SKAP1: variants seen among roughly 807,000 people sequenced by gnomAD.
SKAP1 encodes the protein src kinase-associated phosphoprotein 1.
In SKAP1, 44 loss-of-function variants were observed where a neutral mutation model predicts 58.5. The observed-to-expected ratio is 0.75, with a 90% confidence interval of 0.59 to 0.97. The LOEUF (loss-of-function observed/expected upper bound fraction) is 0.97. Ranked by LOEUF, SKAP1 falls within the 50% of genes least tolerant of loss-of-function variation. SKAP1 has a pLI of 0.00. For synonymous variants in SKAP1, 127 were observed against 149.7 expected, an observed-to-expected ratio of 0.85 and a Z score of 1.11; for missense variants, 390 against 435.2, an observed-to-expected ratio of 0.90 and a Z score of 0.92.
chr17:48,210,417 A>G (rs1395892043), intron 4 of SKAP1, among the ~76,000 whole-genome samples: 1 of 152,168 alleles, frequency 6.6e-6, no homozygotes, highest in African/African-American at 2.4e-5. Flanking sequence ...TAGGGCTAAG[A>G]ACCACAGCCT....
chr17:48,204,472 A>G (rs2143631390), intron 4 of SKAP1: 1 of 152,132 alleles, frequency 6.6e-6, no homozygotes, highest in African/African-American at 2.4e-5. Flanking sequence ...CATGCTACAC[A>G]TTTTATCTAA....
chr17:48,386,326 G>A (rs7212149), intron 2 of SKAP1, among the ~76,000 whole-genome samples: 44,443 of 133,112 alleles, frequency 0.33, 7,399 homozygotes, highest in African/African-American at 0.46. Flanking sequence ...TTTTTTTTTG[G>A]TGACTATAAG....
chr17:48,145,559 G>A (rs2063822453), intron 11 of SKAP1, among the ~76,000 whole-genome samples: 1 of 152,110 alleles, frequency 6.6e-6, no homozygotes, highest in Non-Finnish European at 1.5e-5. Context: ...TATGGTTTCA[G>A]GACTATCATG....
intron 4 of SKAP1, among the ~76,000 whole-genome samples, chr17:48,213,909 A>G (rs1465169349): frequency 2.0e-5 from 3 of 152,184 alleles, no homozygotes; most frequent in Non-Finnish European, 4.4e-5. Context: ...CACAGCACTC[A>G]AGGGTGGCCA....
upstream of SKAP1, among the ~76,000 whole-genome samples, chr17:48,434,228 C>A (rs1044112736): frequency 2.0e-5 from 3 of 152,164 alleles, no homozygotes; most frequent in Non-Finnish European, 4.4e-5. Flanking sequence ...GAGCTGCACA[C>A]TTCATTAAGA....
At chr17:48,286,231 T>G (rs1022017273) in intron 4 of SKAP1, among the ~76,000 whole-genome samples, 2 of 152,256 alleles carry the variant, frequency 1.3e-5, no homozygotes, top group African/African-American at 4.8e-5. Context: ...TGTTTCTGAA[T>G]GTGGGATTAT....
chr17:48,341,652 AAATC>A (rs2066654639), intron 4 of SKAP1, among the ~76,000 whole-genome samples: 1 of 152,172 alleles, frequency 6.6e-6, no homozygotes, highest in South Asian at 2.1e-4. Context: ...GTATGTAATA[AAATC>A]AATCAACAAC....
intron 2 of SKAP1, among the ~76,000 whole-genome samples, chr17:48,390,683 C>T (rs2067333354): frequency 6.6e-6 from 1 of 152,190 alleles, no homozygotes; most frequent in Admixed American, 6.5e-5. Flanking sequence ...TGTGTTCTAG[C>T]TCACAATCCC....
chr17:48,216,355 C>T (rs965046458), intron 4 of SKAP1, among the ~76,000 whole-genome samples: 13 of 152,154 alleles, frequency 8.5e-5, no homozygotes, highest in African/African-American at 3.1e-4. Context: ...GACAACATCC[C>T]ATTGATAGAG....
intron 4 of SKAP1, among the ~76,000 whole-genome samples, chr17:48,272,748 G>C (rs1277999369): frequency 6.6e-6 from 1 of 151,650 alleles, no homozygotes; most frequent in Admixed American, 6.6e-5. Context: ...GTAGAGACGG[G>C]GTTTCACCAT....
At chr17:48,342,074 G>C (rs375371079) in intron 4 of SKAP1, among the ~76,000 whole-genome samples, 20 of 152,280 alleles carry the variant, frequency 1.3e-4, no homozygotes, top group African/African-American at 4.1e-4. Context: ...AAAATCCACT[G>C]TATATTTGGA....
At chr17:48,394,999 C>T (rs944510671) in intron 2 of SKAP1, among the ~76,000 whole-genome samples, 21 of 152,112 alleles carry the variant, frequency 1.4e-4, no homozygotes, top group African/African-American at 5.1e-4. Flanking sequence ...AGAAAGCTCC[C>T]ATCAACAATG....
At chr17:48,182,036 G>C (rs774997175) in intron 8 of SKAP1, among the ~76,000 whole-genome samples, 2 of 152,236 alleles carry the variant, frequency 1.3e-5, no homozygotes, top group Middle Eastern at 3.4e-3. Flanking sequence ...ATTGCAACTA[G>C]ATGACTTTAA....
At chr17:48,198,281 C>T (rs1245171976) in intron 4 of SKAP1, among the ~76,000 whole-genome samples, 2 of 151,668 alleles carry the variant, frequency 1.3e-5, no homozygotes, top group African/African-American at 4.8e-5. Context: ...CGGTGAAACC[C>T]CGTTTCTACT....
chr17:48,427,527 T>C (rs1485430632), intron 1 of SKAP1, among the ~76,000 whole-genome samples: 3 of 152,008 alleles, frequency 2.0e-5, no homozygotes, highest in Non-Finnish European at 2.9e-5. Context: ...TCAAATTTTA[T>C]ATTTAAACAA....
intron 11 of SKAP1, among the ~76,000 whole-genome samples, chr17:48,143,225 A>C (rs1598358265): frequency 8.5e-5 from 10 of 117,066 alleles, no homozygotes; most frequent in South Asian, 2.6e-4. Context: ...ACAGGATTTC[A>C]CTCCCTTCAC....
intron 4 of SKAP1, among the ~76,000 whole-genome samples, chr17:48,265,833 C>A (rs978510898): frequency 9.2e-5 from 14 of 152,186 alleles, no homozygotes; most frequent in Non-Finnish European, 1.6e-4. Context: ...GAACAGGGAG[C>A]TGGCCATGCT....
At chr17:48,142,828 C>T (rs1379224277) in intron 11 of SKAP1, among the ~76,000 whole-genome samples, 10 of 152,102 alleles carry the variant, frequency 6.6e-5, no homozygotes, top group Non-Finnish European at 1.2e-4. Context: ...TTTTTTGAGA[C>T]AGGGTTTCGC....
intron 4 of SKAP1, among the ~76,000 whole-genome samples, chr17:48,293,018 T>C (rs1251159177): frequency 1.3e-5 from 2 of 152,176 alleles, no homozygotes; most frequent in Admixed American, 6.6e-5. Context: ...CTTGAAAATA[T>C]ACGTCGTAAA....
Sources: allele counts gnomAD v4.1 joint callset (sites outside exome capture counted in the v4.1 genomes callset), GRCh38; gene constraint gnomAD v4.1.1; transcripts MANE v1.5; gene names NCBI Gene and HGNC (gene_info 2026-07-23, HGNC 2026-07-21).